Variants in TENM2 observed in about 807,000 individuals in gnomAD.
The protein encoded by TENM2 is teneurin-2.
Under a neutral mutation model 245.2 loss-of-function variants are expected in TENM2, and 52 were observed. The observed-to-expected ratio is 0.21, with a 90% CI of 0.17 to 0.27. The LOEUF is 0.27. TENM2 is among the 10% of genes least tolerant of loss of function. TENM2 has a pLI of 1.00. For synonymous variants in TENM2, 1,363 were observed against 1,438.9 expected (o/e 0.95, Z 1.19); for missense variants, 3,046 against 3,666.8 (o/e 0.83, Z 4.37).
chr5:167,914,079 TAG>T (rs1303373394), intron 3 of TENM2, among the ~76,000 whole-genome samples: 1 of 152,178 alleles, frequency 6.6e-6, no homozygotes, highest in Non-Finnish European at 1.5e-5. Context: ...GGGAGGATAG[TAG>T]AGTCTTCCCC....
At chr5:167,977,251 T>C (rs557710330) in intron 4 of TENM2, among the ~76,000 whole-genome samples, 14 of 152,108 alleles carry the variant, frequency 9.2e-5, no homozygotes, top group Non-Finnish European at 1.3e-4. Context: ...GGTGACAAAA[T>C]AACCTGTACA....
the TENM2 span, among the ~76,000 whole-genome samples, chr5:167,244,429 G>T: frequency 2.6e-5 from 4 of 152,168 alleles, no homozygotes; most frequent in African/African-American, 9.7e-5. Flanking sequence ...GTATCTGGAA[G>T]CATCAACAAT....
chr5:167,633,535 A>G (rs958811603), intron 2 of TENM2, among the ~76,000 whole-genome samples: 1 of 152,230 alleles, frequency 6.6e-6, no homozygotes, highest in Non-Finnish European at 1.5e-5. Context: ...ATTTAATCCA[A>G]GCTAATTTTA....
chr5:167,501,891 A>G (rs776582281), intron 2 of TENM2, among the ~76,000 whole-genome samples: 7 of 152,178 alleles, frequency 4.6e-5, no homozygotes, highest in African/African-American at 7.2e-5. Flanking sequence ...GAAATATATC[A>G]AGAGAAAACT....
chr5:168,109,602 T>C (rs570487700), intron 9 of TENM2, among the ~76,000 whole-genome samples: 95 of 152,340 alleles, frequency 6.2e-4, no homozygotes, highest in African/African-American at 2.2e-3. Flanking sequence ...ATTCAGTAGG[T>C]CTGGGGTACT....
At chr5:167,419,834 A>G (rs898551126) in intron 2 of TENM2, among the ~76,000 whole-genome samples, 2 of 152,212 alleles carry the variant, frequency 1.3e-5, no homozygotes, top group African/African-American at 4.8e-5. Flanking sequence ...CATTTGAACT[A>G]AAATCAGCTT....
At chr5:168,172,347 C>G (rs1035874815) in intron 13 of TENM2, among the ~76,000 whole-genome samples, 1 of 152,202 alleles carries the variant, frequency 6.6e-6, no homozygotes, top group Non-Finnish European at 1.5e-5. Flanking sequence ...ACGTGATGTC[C>G]AAAACCCTAA....
chr5:167,957,267 T>G (rs542871946), intron 4 of TENM2, among the ~76,000 whole-genome samples: 100 of 152,324 alleles, frequency 6.6e-4, no homozygotes, highest in Admixed American at 1.6e-3. Context: ...TGCATAGAGA[T>G]GTTTATAGTA....
intron 2 of TENM2, among the ~76,000 whole-genome samples, chr5:167,557,923 G>A (rs1173496000): frequency 6.6e-6 from 1 of 152,236 alleles, no homozygotes; most frequent in Non-Finnish European, 1.5e-5. Flanking sequence ...ACAGAAGAGA[G>A]TATTTGAACC....
At chr5:167,301,660 T>A (rs938507627) in intron 1 of TENM2, among the ~76,000 whole-genome samples, 1 of 152,098 alleles carries the variant, frequency 6.6e-6, no homozygotes, top group Non-Finnish European at 1.5e-5. Flanking sequence ...CCTTTTAGGG[T>A]CTAGGGCTGT....
intron 2 of TENM2, among the ~76,000 whole-genome samples, chr5:167,713,700 G>A (rs1759061977): frequency 6.6e-6 from 1 of 152,160 alleles, no homozygotes; most frequent in Non-Finnish European, 1.5e-5. Flanking sequence ...AATTTGGTGA[G>A]CACACATGCA....
At chr5:167,885,369 AT>A (rs1235945581) in intron 3 of TENM2, among the ~76,000 whole-genome samples, 1 of 152,188 alleles carries the variant, frequency 6.6e-6, no homozygotes, top group Non-Finnish European at 1.5e-5. Flanking sequence ...ACAAATGGTA[AT>A]TCATTTAATC....
At chr5:167,467,612 G>C (rs999255038) in intron 2 of TENM2, among the ~76,000 whole-genome samples, 1 of 151,154 alleles carries the variant, frequency 6.6e-6, no homozygotes, top group Non-Finnish European at 1.5e-5. Flanking sequence ...TAAATTTCAC[G>C]AACCCAGAGA....
At chr5:167,389,872 A>C (rs1004048531) in intron 2 of TENM2, among the ~76,000 whole-genome samples, 4 of 152,140 alleles carry the variant, frequency 2.6e-5, no homozygotes, top group Admixed American at 2.0e-4. Context: ...CCTTCACTTT[A>C]ATCTGAGCAA....
At chr5:167,333,125 A>G (rs996974027) in intron 1 of TENM2, among the ~76,000 whole-genome samples, 4 of 152,248 alleles carry the variant, frequency 2.6e-5, no homozygotes, top group Admixed American at 6.5e-5. Flanking sequence ...TGTTATGGGC[A>G]TTAAGTAAAA....
intron 2 of TENM2, among the ~76,000 whole-genome samples, chr5:167,818,671 A>C (rs1310012735): frequency 2.6e-5 from 4 of 152,084 alleles, no homozygotes; most frequent in South Asian, 2.1e-4. Flanking sequence ...CTTTGCTGAG[A>C]CTTTTAGCCT....
chr5:168,120,146 T>A (rs1795368610), intron 10 of TENM2, among the ~76,000 whole-genome samples: 1 of 152,156 alleles, frequency 6.6e-6, no homozygotes, highest in Admixed American at 6.5e-5. Context: ...TTCCATAACA[T>A]TATTCCTCTA....
chr5:168,199,495 G>C lies in TENM2; in HGVS notation c.3163-369G>C, dbSNP rs191957005. Among the ~76,000 whole-genome samples, 30 of 152,260 alleles carry C rather than the reference G, an allele frequency of 2.0e-4. No homozygotes were observed. The East Asian group carries it at 2.5e-3, about 13-fold the overall frequency. ...TTATTGCCTCCCTGTTGCTTTATAC[G>C]GATTGTCAGTGGAAGTTGTAGGTTC... On this transcript the variant is annotated intron_variant, in intron 16 of 28. Coordinates refer to ENST00000518659, the Ensembl canonical transcript of TENM2.
chr5:167,008,451 T>G, the TENM2 span, among the ~76,000 whole-genome samples: 1 of 152,220 alleles, frequency 6.6e-6, no homozygotes, highest in African/African-American at 2.4e-5. Flanking sequence ...ATTACCAGTC[T>G]TTCAATTTTT....
Sources: gnomAD v4.1 joint callset for allele counts (sites outside exome capture counted in the v4.1 genomes callset) on GRCh38, gnomAD v4.1.1 for gene constraint, MANE v1.5 for transcripts, NCBI Gene and HGNC (gene_info 2026-07-23, HGNC 2026-07-21) for gene names.